ITFG2: variants seen among roughly 807,000 people sequenced by gnomAD.
ITFG2 encodes the protein integrin alpha FG-GAP repeat containing 2.
ITFG2 carries 36 observed loss-of-function variants against 54.4 expected under a neutral mutation model. The ratio of observed to expected loss-of-function variants is 0.66; its 90% CI spans 0.51 to 0.87. The LOEUF (loss-of-function observed/expected upper bound fraction) is 0.87. ITFG2 is among the 40% of genes least tolerant of loss of function. The probability of loss-of-function intolerance (pLI) is 0.00; values close to 1 mark genes in which losing one functional copy is unlikely to be tolerated. For missense variants in ITFG2, 524 were observed against 576.7 expected (o/e 0.91, Z 0.94); for synonymous variants, 211 against 225.4 (o/e 0.94, Z 0.57).
At chr12:2,848,820 T>G (rs745577124) in intron 2 of ITFG2, among the ~76,000 whole-genome samples, 7 of 151,772 alleles carry the variant, frequency 4.6e-5, no homozygotes, top group Non-Finnish European at 7.4e-5. Flanking sequence ...GGAGATAGCT[T>G]CTTCTTATCC....
upstream of ITFG2, among the ~76,000 whole-genome samples, chr12:2,836,489 T>G (rs2098028083): frequency 6.6e-6 from 1 of 152,210 alleles, no homozygotes; most frequent in Non-Finnish European, 1.5e-5. Flanking sequence ...CTGCTGAGCT[T>G]CTAGGAACCA....
chr12:2,838,809 A>G (rs2098034324), intron 1 of ITFG2, among the ~76,000 whole-genome samples: 1 of 152,168 alleles, frequency 6.6e-6, no homozygotes, highest in South Asian at 2.1e-4. Flanking sequence ...CCAGATTGCC[A>G]GAAGAGTGGG....
At chr12:2,816,111 A>G (rs559163272) in intron 1 of ITFG2, among the ~76,000 whole-genome samples, 1 of 150,250 alleles carries the variant, frequency 6.7e-6, no homozygotes, top group South Asian at 2.1e-4. Flanking sequence ...GCTCACTGCA[A>G]CCTCCACCTC....
At chr12:2,827,971 G>A (rs2097977288), downstream of ITFG2, 2 of 1,614,214 alleles carry the variant, frequency 1.2e-6, no homozygotes, top group Non-Finnish European at 1.7e-6. This position sits in a 1 kb window ranked among gnomAD's most constrained non-coding sequence, Gnocchi z 4.0. Flanking sequence ...CCCAGCTGTA[G>A]CTCCAACTGC....
In ITFG2 at chr12:2,824,764, T is replaced by A. The variant is rs1304181396; in HGVS notation, c.*571T>A. The A allele has an allele frequency of 6.4e-6, 1 of 156,072 alleles. No homozygotes were observed. Among genetic ancestry groups the A allele is most frequent in the Non-Finnish European group, 1.4e-5 (1 of 70,520 alleles). The allele number at this position is 156,072 out of a possible 1,614,324, so 9.7% of individuals were successfully genotyped here. Reference sequence around the variant, plus strand: ...CCATTTACCAAAGCAGCCGGGTCAGTGCTTTCTCACGTTGCCGTATTCTTC... The same window carrying A: ...CCATTTACCAAAGCAGCCGGGTCAGAGCTTTCTCACGTTGCCGTATTCTTC... On this transcript the variant is annotated 3_prime_UTR_variant, in exon 12 of 12. Transcript: ENST00000228799.
intron 2 of ITFG2, among the ~76,000 whole-genome samples, chr12:2,853,592 GTTGTTT>G (rs796760977): frequency 1.1e-4 from 16 of 150,256 alleles, no homozygotes; most frequent in Admixed American, 1.3e-4. Flanking sequence ...TGTTGTTGTT[GTTGTTT>G]TTGTTTTTGT....
chr12:2,830,967 C>G (rs11612419), downstream of ITFG2: 15 of 1,206,840 alleles, frequency 1.2e-5, 1 homozygote, highest in Admixed American at 1.9e-4. Flanking sequence ...ACCCCCCCAG[C>G]CCTGAGCCTT....
intron 3 of ITFG2, chr12:2,858,897 C>T: frequency 6.2e-7 from 1 of 1,613,960 alleles, no homozygotes; most frequent in Non-Finnish European, 8.5e-7. Flanking sequence ...GGGTTCTGAA[C>T]TGAGGAGCCT....
At chr12:2,855,131 G>A (rs2098083288) in intron 2 of ITFG2, 3 of 1,533,012 alleles carry the variant, frequency 2.0e-6, no homozygotes, top group Non-Finnish European at 2.6e-6. Flanking sequence ...GGGCATCTGT[G>A]GGCATTGGAG....
At chr12:2,819,206 TGTAA>T (rs1411239640) in intron 4 of ITFG2, among the ~76,000 whole-genome samples, 1 of 152,020 alleles carries the variant, frequency 6.6e-6, no homozygotes, top group Non-Finnish European at 1.5e-5. Flanking sequence ...GGCTCACGCC[TGTAA>T]TCCCAACACT....
downstream of ITFG2, among the ~76,000 whole-genome samples, chr12:2,829,907 A>G (rs796337946): frequency 0.09 from 11,601 of 129,008 alleles, 5 homozygotes; most frequent in South Asian, 0.19. Flanking sequence ...GAGAAACCCC[A>G]TCTCTACTAA....
At chr12:2,820,047 G>A (rs369652729) in intron 4 of ITFG2, 39 bp from the exon 5 acceptor site, 22 of 1,574,442 alleles carry the variant, frequency 1.4e-5, no homozygotes, top group East Asian at 1.3e-4. Flanking sequence ...GGGGCTGCTC[G>A]TGGGACTCCA....
chr12:2,822,431 A>G (rs2097948626), intron 9 of ITFG2, among the ~76,000 whole-genome samples: 1 of 152,146 alleles, frequency 6.6e-6, no homozygotes, highest in Non-Finnish European at 1.5e-5. Context: ...TTTCTTGTCC[A>G]TATATGAATC....
chr12:2,832,761 A>G (rs1275536986), upstream of ITFG2, among the ~76,000 whole-genome samples: 3 of 149,294 alleles, frequency 2.0e-5, no homozygotes, highest in South Asian at 2.2e-4. Context: ...TAGGCACTCA[A>G]TAAATGCTTG....
chr12:2,821,632 G>A (rs370620414), intron 8 of ITFG2, 36 bp downstream of exon 8: 58 of 1,613,844 alleles, frequency 3.6e-5, no homozygotes, highest in Non-Finnish European at 4.5e-5. Context: ...GGGGCTGTAT[G>A]CCTGTAGGGT....
rs1304141674 is a variant in ITFG2 at position 2,820,812 on chromosome 12, G to A, written c.635G>A (p.Cys212Tyr). 1 of 1,614,048 alleles carries A rather than the reference G, an allele frequency of 6.2e-7. No individual in the cohort carries two copies. The highest frequency in any genetic ancestry group is 1.3e-5 in the African/African-American group (1 of 75,004). The change falls in exon 6 of 12, where the codon TGT becomes TAT. Residue 212 changes from cysteine (C) to tyrosine (Y), a missense_variant. Physicochemically the swap from Cys to Tyr is radical, Grantham distance 194. Coordinates refer to ENST00000228799, the MANE Select transcript of ITFG2 (RefSeq NM_018463.4). The part of the protein sequence containing the change: ...QPGCAYAILL[C>Y]TWKKDTGSPP... ...GGTTGTGCGTATGCAATTCTACTGT[G>A]TACCTGGAAAAAGGACACTGGGTCC...
intron 4 of ITFG2, among the ~76,000 whole-genome samples, chr12:2,818,943 G>A (rs895495172): frequency 3.0e-4 from 46 of 151,596 alleles, no homozygotes; most frequent in African/African-American, 9.0e-4. Flanking sequence ...GCTTGAACCC[G>A]GGAGACGGAT....
intron 3 of ITFG2, chr12:2,859,454 T>C (rs1279035715): frequency 6.2e-7 from 1 of 1,613,910 alleles, no homozygotes; most frequent in South Asian, 1.1e-5. Context: ...CTTTGAAAGA[T>C]GGGGCCGGGG....
At position 2,812,856 on chromosome 12, in the gene ITFG2, G is replaced by A. The variant is rs779988252; in HGVS notation, c.96G>A (p.Thr32=). 1.2e-6 allele frequency: 2 copies of A among 1,608,538 alleles called. No individual in the cohort carries two copies. Among genetic ancestry groups the A allele is most frequent in the Non-Finnish European group, 1.7e-6 (2 of 1,176,344 alleles). ...GCCTCGGAGACGTTGATAACGATAC[G>A]GTAGGTGCATGCGCACCGCAAGAGA... is the stretch of plus-strand genomic sequence containing the variant. ...AICLGDVDND[T]LNELVVGDTS... Residue 32 remains threonine (T), a splice_region_variant and synonymous_variant, in exon 1 of 12, where the codon ACG becomes ACA. Transcript: ENST00000228799.
Sources: allele counts gnomAD v4.1 joint callset (sites outside exome capture counted in the v4.1 genomes callset), GRCh38; gene constraint gnomAD v4.1.1; non-coding constraint Gnocchi (gnomAD v3.1); transcripts MANE v1.5; gene names NCBI Gene and HGNC (gene_info 2026-07-23, HGNC 2026-07-21).